The following IKBIP variants were observed in gnomAD, a reference collection of about 807,000 sequenced individuals.
The protein encoded by IKBIP is inhibitor of nuclear factor kappa-B kinase-interacting protein.
IKBIP carries 28 observed loss-of-function variants against 31.0 expected under a neutral mutation model. The observed-to-expected ratio is 0.90, with a 90% CI of 0.67 to 1.24. IKBIP has a LOEUF of 1.24. IKBIP is among the 50% of genes most tolerant of loss of function. The pLI is 0.00. For missense variants in IKBIP, 453 were observed against 441.9 expected, an observed-to-expected ratio of 1.03 and a Z score of -0.23; for synonymous variants, 164 against 160.3, an observed-to-expected ratio of 1.02 and a Z score of -0.17.
chr12:98,635,797 G>A (rs2097625265), intron 1 of IKBIP, among the ~76,000 whole-genome samples: 1 of 152,216 alleles, frequency 6.6e-6, no homozygotes, highest in Non-Finnish European at 1.5e-5. Flanking sequence ...GGTGTGAAAA[G>A]AGGTATGAAA....
chr12:98,643,251 G>A (rs1187886171), intron 1 of IKBIP, among the ~76,000 whole-genome samples: 1 of 152,126 alleles, frequency 6.6e-6, no homozygotes, highest in Non-Finnish European at 1.5e-5. Context: ...GCGCCCAGCC[G>A]TAACAAATCT....
Position 98,625,486 on chromosome 12 carries a change from T to TTACC in IKBIP, c.*440_*443dup, listed in dbSNP as rs2097613413. The TTACC allele has an allele frequency of 5.3e-6, 1 of 189,514 alleles. No homozygotes were observed. The highest frequency in any genetic ancestry group is 6.5e-5 in the Admixed American group (1 of 15,284). 11.7% of individuals were successfully genotyped at this position (189,514 alleles called of 1,614,324 possible). On this transcript the variant is annotated 3_prime_UTR_variant, in exon 3 of 3. Coordinates refer to ENST00000299157, the MANE Select transcript of IKBIP (RefSeq NM_153687.4). ...AAGTGAACTGGCTGAGGCAGGCACA[T>TTACC]TACCAACCAACCTGACAGTAAGTTC...
At chr12:98,619,908 TTTGA>T (rs1229187138), downstream of IKBIP, among the ~76,000 whole-genome samples, 2 of 147,542 alleles carry the variant, frequency 1.4e-5, no homozygotes, top group Admixed American at 6.8e-5. Flanking sequence ...ACATCAGTGA[TTTGA>T]TTATTTATTT....
In IKBIP at chr12:98,616,484, G is replaced by A. The variant is rs74448006; in HGVS notation, c.298-2144C>T. ...TTCCTTTTCTGTACAGAAGATTTTA[G>A]TTTGACACAATCATATTTATCTATT... On this transcript the variant is annotated intron_variant, in intron 2 of 2. Transcript: ENST00000342502. 1.3e-3 allele frequency among the ~76,000 whole-genome samples: 203 copies of A among 152,110 alleles called. 3 individuals carry two copies. Among genetic ancestry groups the A allele is most frequent in the Admixed American group, 3.0e-3 (46 of 15,272 alleles).
chr12:98,621,952 T>G (rs2097610494), downstream of IKBIP, among the ~76,000 whole-genome samples: 1 of 151,984 alleles, frequency 6.6e-6, no homozygotes, highest in African/African-American at 2.4e-5. Context: ...GGCGCATGCC[T>G]GTAGTCTCAG....
At chr12:98,641,734 C>T (rs932123047) in intron 1 of IKBIP, among the ~76,000 whole-genome samples, 1 of 152,160 alleles carries the variant, frequency 6.6e-6, no homozygotes, top group Non-Finnish European at 1.5e-5. Flanking sequence ...TGGGTTACTG[C>T]AGCTTTGACT....
intron 1 of IKBIP, among the ~76,000 whole-genome samples, chr12:98,643,604 T>G (rs2097633229): frequency 6.6e-6 from 1 of 152,168 alleles, no homozygotes; most frequent in Non-Finnish European, 1.5e-5. Flanking sequence ...ATGACACCAA[T>G]ATATCGCCAT....
At chr12:98,631,813 A>G (rs1300139315) in intron 2 of IKBIP, among the ~76,000 whole-genome samples, 1 of 151,628 alleles carries the variant, frequency 6.6e-6, no homozygotes, top group Non-Finnish European at 1.5e-5. Context: ...GAAAAAAAAA[A>G]AGGAGAAATC....
In IKBIP at chr12:98,644,552, C is replaced by A; in HGVS notation, c.150G>T (p.Leu50=). 1.2e-6 allele frequency: 2 copies of A among 1,606,972 alleles called. No homozygotes were observed. The highest frequency in any genetic ancestry group is 1.7e-6 in the Non-Finnish European group (2 of 1,177,402). Residue 50 remains leucine, a synonymous_variant, in exon 1 of 3, where the codon CTG becomes CTT. Coordinates refer to ENST00000299157, the MANE Select transcript of IKBIP (RefSeq NM_153687.4). The stretch of plus-strand genomic sequence containing the variant: ...CCAGGCCCAGGCACGTCCCCAGCGA[C>A]AGCAGGCTCAGGCACGTTCGGGGGT... ...WADPRTCLSL[L]SLGTCLGLAW... is the part of the protein sequence containing the mutation.
At position 98,629,973 on chromosome 12, in the gene IKBIP, A is replaced by T. The variant is rs143135080; in HGVS notation, c.298-3207T>A. Reference sequence around the variant, plus strand: ...TTTTTTGTAGAGATGGGGTCTCACCATGTTGCCTGGGCTGGTCTCAAACTG... The same window carrying T: ...TTTTTTGTAGAGATGGGGTCTCACCTTGTTGCCTGGGCTGGTCTCAAACTG... On this transcript the variant is annotated intron_variant, in intron 2 of 2. Coordinates refer to ENST00000299157, the MANE Select transcript of IKBIP (RefSeq NM_153687.4). 2.9e-3 allele frequency among the ~76,000 whole-genome samples: 445 copies of T among 152,308 alleles called. 3 individuals carry two copies. The highest frequency in any genetic ancestry group is 0.01 in the African/African-American group (423 of 41,564).
chr12:98,633,163 C>T (rs1202335272), intron 2 of IKBIP, among the ~76,000 whole-genome samples: 1 of 152,136 alleles, frequency 6.6e-6, no homozygotes, highest in African/African-American at 2.4e-5. Context: ...TGGTGCCAAG[C>T]ATAGGTCCTT....
chr12:98,632,194 C>T (rs1038200315), intron 2 of IKBIP, among the ~76,000 whole-genome samples: 2 of 151,654 alleles, frequency 1.3e-5, no homozygotes, highest in East Asian at 2.0e-4. Flanking sequence ...TTTGGCAAGG[C>T]ACAGTGGCTC....
downstream of IKBIP, among the ~76,000 whole-genome samples, chr12:98,621,579 T>G (rs1399662276): frequency 6.6e-6 from 1 of 152,194 alleles, no homozygotes; most frequent in Non-Finnish European, 1.5e-5. Context: ...AGTTGAACAG[T>G]AGCAGGCTCC....
Position 98,624,281 on chromosome 12 carries a change from T to C in IKBIP, c.*1649A>G, listed in dbSNP as rs1042573252. ...ATAATCTATTTTATTACCATTAATA[T>C]AAAAGTAAACAAATAGAATTTTGTC... On this transcript the variant is annotated 3_prime_UTR_variant, in exon 3 of 3. Coordinates refer to ENST00000299157, the MANE Select transcript of IKBIP (RefSeq NM_153687.4). 5 of 970,952 alleles carry C rather than the reference T, an allele frequency of 5.1e-6. No homozygotes were observed. Among genetic ancestry groups the C allele is most frequent in the African/African-American group, 3.5e-5 (2 of 56,926 alleles). The allele number at this position is 970,952 out of a possible 1,614,324, so 60.1% of individuals were successfully genotyped here.
At chr12:98,644,422 TG>T in intron 1 of IKBIP, 100 bp downstream of exon 1, 1 of 1,155,344 alleles carries the variant, frequency 8.7e-7, no homozygotes, top group Non-Finnish European at 1.2e-6. Flanking sequence ...GGCCCAGGTC[TG>T]GGAGGTTGGA....
At chr12:98,643,479 C>T (rs997126880) in intron 1 of IKBIP, among the ~76,000 whole-genome samples, 1 of 151,890 alleles carries the variant, frequency 6.6e-6, no homozygotes, top group African/African-American at 2.4e-5. Flanking sequence ...TGGGCTATTC[C>T]CTCCTCCCGC....
chr12:98,640,777 T>C (rs1036951451), intron 1 of IKBIP, among the ~76,000 whole-genome samples: 1 of 152,182 alleles, frequency 6.6e-6, no homozygotes, highest in African/African-American at 2.4e-5. Context: ...CAGGCCTTTT[T>C]TTTTTTGCAG....
At chr12:98,640,848 A>G (rs1565844950) in intron 1 of IKBIP, among the ~76,000 whole-genome samples, 1 of 152,016 alleles carries the variant, frequency 6.6e-6, no homozygotes, top group Non-Finnish European at 1.5e-5. Context: ...TGAAACCTCA[A>G]ATTCCGGGGC....
rs145475594 is a variant in IKBIP at position 98,638,550 on chromosome 12, T to C, written c.180-4137A>G. On this transcript the variant is annotated intron_variant, in intron 1 of 2. Coordinates refer to ENST00000299157, the MANE Select transcript of IKBIP (RefSeq NM_153687.4). ...TTGGCCTCCCAAACTGTTGGGATTA[T>C]AGGTGTGAGCCAGAGCACCCAGCCA... Among the ~76,000 whole-genome samples the C allele has an allele frequency of 3.8e-3, 576 of 151,830 alleles. 5 individuals carry two copies. Among genetic ancestry groups the C allele is most frequent in the African/African-American group, 0.013 (546 of 41,376 alleles).
Sources: gnomAD v4.1 joint callset for allele counts (sites outside exome capture counted in the v4.1 genomes callset) on GRCh38, gnomAD v4.1.1 for gene constraint, MANE v1.5 for transcripts, NCBI Gene and HGNC (gene_info 2026-07-23, HGNC 2026-07-21) for gene names.